The following FOSB variants were observed in gnomAD, a reference collection of about 807,000 sequenced individuals.
FOSB encodes protein FosB.
In FOSB, 8 loss-of-function variants were observed where a neutral mutation model predicts 31.1. The observed-to-expected ratio is 0.26, with a 90% CI of 0.15 to 0.46. The LOEUF (loss-of-function observed/expected upper bound fraction) is 0.46, where lower values mean the gene tolerates loss of function less well. Ranked by LOEUF, FOSB falls within the 20% of genes least tolerant of loss-of-function variation. The probability of loss-of-function intolerance (pLI) is 0.99; values close to 1 mark genes in which losing one functional copy is unlikely to be tolerated. For synonymous variants in FOSB, 214 were observed against 206.1 expected (o/e 1.04, Z -0.33); for missense variants, 376 against 460.6 (o/e 0.82, Z 1.68).
chr19:45,470,566 T>G, intron 1 of FOSB, 63 bp from the exon 2 acceptor site: 2 of 1,383,872 alleles, frequency 1.4e-6, no homozygotes, highest in East Asian at 2.3e-5. Context: ...GTGTGTTGGG[T>G]GTGTGTGTGT....
chr19:45,470,382 G>A (rs1967604430), intron 1 of FOSB: 4 of 535,728 alleles, frequency 7.5e-6, no homozygotes, highest in Non-Finnish European at 1.3e-5. Context: ...CGCTGGAACC[G>A]TGCAACCTTT....
chr19:45,470,523 C>A, intron 1 of FOSB, 106 bp from the exon 2 acceptor site: 1 of 1,160,554 alleles, frequency 8.6e-7, no homozygotes, highest in Non-Finnish European at 1.2e-6. Context: ...ACTCGCTCAC[C>A]CTGTGCTCAC....
rs756012751 is a variant in FOSB, at chr19:45,468,860, A to G, written c.126+148A>G. The stretch of plus-strand genomic sequence containing the variant: ...CTCACAGCGCACTTTGCAAACTGCA[A>G]AGAGTCGGGAGATGTTTGCAATTGG... On this transcript the variant is annotated intron_variant, in intron 1 of 3. Transcript: ENST00000353609. The surrounding 1 kb of genome is among the most constrained non-coding windows in gnomAD (Gnocchi z 4.8). 1.1e-6 allele frequency: 1 copy of G among 909,252 alleles called. No individual in the cohort carries two copies. The highest frequency in any genetic ancestry group is 1.6e-6 in the Non-Finnish European group (1 of 622,670). 56.3% of individuals were successfully genotyped at this position (909,252 alleles called of 1,614,324 possible).
At position 45,471,276 on chromosome 19, in the gene FOSB, G is replaced by A. The variant is rs1188340477; in HGVS notation, c.530G>A (p.Arg177Lys). The A allele has an allele frequency of 1.9e-6, 3 of 1,566,016 alleles. No homozygotes were observed. The highest frequency in any genetic ancestry group is 2.6e-6 in the Non-Finnish European group (3 of 1,154,884). ...LAAAKCRNRRRELTDRLQAET... is the reference protein window; with the variant it reads ...LAAAKCRNRRKELTDRLQAET... Reference sequence around the variant, plus strand: ...GCAGCTAAATGCAGGAACCGGCGGAGGGAGCTGACCGACCGACTCCAGGCG... The same window carrying A: ...GCAGCTAAATGCAGGAACCGGCGGAAGGAGCTGACCGACCGACTCCAGGCG... The change falls in exon 3 of 4, where the codon AGG becomes AAG. Residue 177 changes from arginine to lysine, a missense_variant. By Grantham distance (26) the Arg-to-Lys change is conservative (BLOSUM62 2). Transcript: ENST00000353609.
chr19:45,470,948 C>A lies in FOSB; in HGVS notation c.446C>A (p.Thr149Lys), dbSNP rs905390627. ...RARPRRPREE[T>K]LTPEEEEKRR... Reference sequence around the variant, plus strand: ...CGGCCTAGGAGACCCCGAGAGGAGACGGTGAGTAAGGGACATCAGAACTTG... The same window carrying A: ...CGGCCTAGGAGACCCCGAGAGGAGAAGGTGAGTAAGGGACATCAGAACTTG... Residue 149 changes from threonine to lysine, a missense_variant and splice_region_variant, in exon 2 of 4, where the codon ACG becomes AAG. Coordinates refer to ENST00000353609, the MANE Select transcript of FOSB (RefSeq NM_006732.3). 1 of 1,610,314 alleles carries A rather than the reference C, an allele frequency of 6.2e-7. No individual in the cohort carries two copies. The highest frequency in any genetic ancestry group is 1.1e-5 in the South Asian group (1 of 91,064).
chr19:45,471,517 C>G (rs985527725), intron 3 of FOSB: 8 of 421,752 alleles, frequency 1.9e-5, no homozygotes, highest in African/African-American at 1.7e-4. Context: ...TTTCCTGACC[C>G]CACGGACTAC....
chr19:45,473,005 C>A lies in FOSB; in HGVS notation c.1010C>A (p.Ala337Asp). The A allele has an allele frequency of 1.2e-6, 2 of 1,607,126 alleles. No homozygotes were observed. Among genetic ancestry groups the A allele is most frequent in the Non-Finnish European group, 1.7e-6 (2 of 1,179,360 alleles). ...SDPLNSPSLL[A>D]L is the part of the protein sequence containing the mutation. ...CCCCTGAACTCGCCCTCCCTCCTCG[C>A]TCTGTGAACTCTTTAGACACACAAA... The change falls in exon 4 of 4, where the codon GCT (alanine) becomes GAT (aspartate). Residue 337 changes from alanine (A) to aspartate (D), a missense_variant. By Grantham distance (126) the Ala-to-Asp change is moderately radical (BLOSUM62 -2). This residue lies in a region of FOSB where 148 missense variants were observed against 170.0 expected (regional missense o/e 0.87). Coordinates refer to ENST00000353609, the MANE Select transcript of FOSB (RefSeq NM_006732.3).
In FOSB at chr19:45,471,297, A is replaced by G. The variant is rs866130701; in HGVS notation, c.551A>G (p.Gln184Arg). The change falls in exon 3 of 4, where the codon CAG becomes CGG. Residue 184 changes from glutamine to arginine, a missense_variant. Gln to Arg is a conservative substitution (Grantham distance 43, BLOSUM62 1). This residue lies in a region of FOSB where 35 missense variants were observed against 83.5 expected (regional missense o/e 0.42). Transcript: ENST00000353609. The part of the protein sequence containing the change: ...NRRRELTDRL[Q>R]AETDQLEEEK... ...CGGAGGGAGCTGACCGACCGACTCC[A>G]GGCGGTGAGGACAGGCCCTGGGGTG... 6.4e-7 allele frequency: 1 copy of G among 1,558,376 alleles called. No individual in the cohort carries two copies. The highest frequency in any genetic ancestry group is 8.7e-7 in the Non-Finnish European group (1 of 1,150,232).
At position 45,468,388 on chromosome 19, in the gene FOSB, C is replaced by A. The variant is rs1450827658; in HGVS notation, c.-199C>A. The A allele has an allele frequency of 1.3e-5, 8 of 624,408 alleles. No individual in the cohort carries two copies. Among genetic ancestry groups the A allele is most frequent in the Admixed American group, 5.4e-5 (2 of 37,066 alleles). 38.7% of individuals were successfully genotyped at this position (624,408 alleles called of 1,614,324 possible). On this transcript the variant is annotated 5_prime_UTR_variant, in exon 1 of 4. Coordinates refer to ENST00000353609, the MANE Select transcript of FOSB (RefSeq NM_006732.3). The surrounding 1 kb of genome is among the most constrained non-coding windows in gnomAD (Gnocchi z 4.8). The stretch of plus-strand genomic sequence containing the variant: ...GCCTGGGCACCGCAGGAAGACTGCA[C>A]AGAAACTTTGCCATTGTTGGAACGG...
chr19:45,472,491 A>C lies in FOSB; in HGVS notation c.556-60A>C. The C allele has an allele frequency of 7.3e-7, 1 of 1,364,150 alleles. No individual in the cohort carries two copies. Among genetic ancestry groups the C allele is most frequent in the Non-Finnish European group, 9.7e-7 (1 of 1,025,848 alleles). The allele number at this position is 1,364,150 out of a possible 1,614,324, so 84.5% of individuals were successfully genotyped here. On this transcript the variant is annotated intron_variant, in intron 3 of 3. Coordinates refer to ENST00000353609, the MANE Select transcript of FOSB (RefSeq NM_006732.3). The surrounding 1 kb of genome is among the most constrained non-coding windows in gnomAD (Gnocchi z 5.4). ...GAGCCATGACCCGAGTTTCCCGGTCACTGACATGCTTTTTTCTCCTTCCTC... is the reference window on the plus strand; with the variant it reads ...GAGCCATGACCCGAGTTTCCCGGTCCCTGACATGCTTTTTTCTCCTTCCTC...
chr19:45,470,863 G>T lies in FOSB; in HGVS notation c.361G>T (p.Gly121Cys). Reference protein sequence around the residue: ...GYSSGGASGSGGPSTSGTTSG... With the variant: ...GYSSGGASGSCGPSTSGTTSG... Reference sequence around the variant, plus strand: ...CAGCAGTGGCGGAGCGAGTGGCAGTGGTGGGCCTTCCACCAGCGGAACTAC... The same window carrying T: ...CAGCAGTGGCGGAGCGAGTGGCAGTTGTGGGCCTTCCACCAGCGGAACTAC... Residue 121 changes from glycine to cysteine, a missense_variant, in exon 2 of 4, where the codon GGT becomes TGT. This residue lies in a region of FOSB where 193 missense variants were observed against 207.1 expected (regional missense o/e 0.93). Coordinates refer to ENST00000353609, the MANE Select transcript of FOSB (RefSeq NM_006732.3). The T allele has an allele frequency of 6.2e-7, 1 of 1,614,082 alleles. No homozygotes were observed. The highest frequency in any genetic ancestry group is 8.5e-7 in the Non-Finnish European group (1 of 1,180,022).
At chr19:45,469,498 C>T (rs968758184) in intron 1 of FOSB, among the ~76,000 whole-genome samples, 1 of 152,218 alleles carries the variant, frequency 6.6e-6, no homozygotes, top group Non-Finnish European at 1.5e-5. Flanking sequence ...TCCTTGGCGG[C>T]TGGGTCTCTT....
chr19:45,470,887 A>G lies in FOSB; in HGVS notation c.385A>G (p.Thr129Ala), dbSNP rs1967629852. The change falls in exon 2 of 4, where the codon ACC (threonine) becomes GCC (alanine). Residue 129 changes from threonine (T) to alanine (A), a missense_variant. Transcript: ENST00000353609. ...GSGGPSTSGTTSGPGPARPAR... is the reference protein window; with the variant it reads ...GSGGPSTSGTASGPGPARPAR... ...TGGTGGGCCTTCCACCAGCGGAACT[A>G]CCAGTGGGCCTGGGCCTGCCCGCCC... 4 of 1,613,830 alleles carry G rather than the reference A, an allele frequency of 2.5e-6. No individual in the cohort carries two copies. The highest frequency in any genetic ancestry group is 1.7e-5 in the Admixed American group (1 of 60,020).
intron 2 of FOSB, 99 bp downstream of exon 2, chr19:45,471,048 T>A (rs770486135): frequency 7.2e-7 from 1 of 1,382,704 alleles, no homozygotes; most frequent in Non-Finnish European, 1.0e-6. Flanking sequence ...GCCTCAGTGT[T>A]ACAGAAACCC....
At position 45,473,116 on chromosome 19, in the gene FOSB, G is replaced by A. The variant is rs1210513264; in HGVS notation, c.*104G>A. The A allele has an allele frequency of 3.7e-6, 4 of 1,072,162 alleles. No homozygotes were observed. The highest frequency in any genetic ancestry group is 4.1e-6 in the Non-Finnish European group (3 of 734,930). 66.4% of individuals were successfully genotyped at this position (1,072,162 alleles called of 1,614,324 possible). ...AGAGAGGGGAAGAGACAAAGTGGGT[G>A]TGTGGCCTCCCTGGCTCCTCCGTCT... On this transcript the variant is annotated 3_prime_UTR_variant, in exon 4 of 4. Transcript: ENST00000353609.
intron 3 of FOSB, 195 bp downstream of exon 3, chr19:45,471,496 TC>T (rs3831491): frequency 0.013 from 5,018 of 375,990 alleles, 210 homozygotes; most frequent in African/African-American, 0.1. Context: ...CAACTCCTGG[TC>T]CCCCCCCCAT....
chr19:45,472,420 G>A lies in FOSB; in HGVS notation c.556-131G>A, dbSNP rs1052489610. 7 of 641,376 alleles carry A rather than the reference G, an allele frequency of 1.1e-5. No individual in the cohort carries two copies. The highest frequency in any genetic ancestry group is 7.4e-5 in the African/African-American group (4 of 53,768). 39.7% of individuals were successfully genotyped at this position (641,376 alleles called of 1,614,324 possible). On this transcript the variant is annotated intron_variant, in intron 3 of 3. Coordinates refer to ENST00000353609, the MANE Select transcript of FOSB (RefSeq NM_006732.3). This position sits in a 1 kb window ranked among gnomAD's most constrained non-coding sequence, Gnocchi z 5.4. ...GGCCACCAGGACTCCATCTCAGGAG[G>A]TGTTTTTTCTCAGCCCGGGGCTGCC...
At position 45,473,354 on chromosome 19, in the gene FOSB, C is replaced by T; in HGVS notation, c.*342C>T. The T allele has an allele frequency of 5.2e-6, 1 of 193,810 alleles. No homozygotes were observed. Among genetic ancestry groups the T allele is most frequent in the Non-Finnish European group, 9.7e-6 (1 of 102,916 alleles). The allele number at this position is 193,810 out of a possible 1,614,324, so 12.0% of individuals were successfully genotyped here. ...GGGGAGGGGGGCGGGTGACGCCCAC[C>T]TTCGGGCAGTCCTGTGTGAGGATTA... is the stretch of plus-strand genomic sequence containing the variant. On this transcript the variant is annotated 3_prime_UTR_variant, in exon 4 of 4. Transcript: ENST00000353609.
rs1229529966 is a variant in FOSB at position 45,468,343 on chromosome 19, T to C, written c.-244T>C. The C allele has an allele frequency of 2.2e-6, 1 of 462,820 alleles. No homozygotes were observed. The highest frequency in any genetic ancestry group is 4.1e-5 in the East Asian group (1 of 24,482). 28.7% of individuals were successfully genotyped at this position (462,820 alleles called of 1,614,324 possible). A position where few individuals can be genotyped will look rare whatever the true frequency, so the allele number is the denominator to read the frequency against. On this transcript the variant is annotated 5_prime_UTR_variant, in exon 1 of 4. Transcript: ENST00000353609. The surrounding 1 kb of genome is among the most constrained non-coding windows in gnomAD (Gnocchi z 4.8). ...CTACGGAGCCTGCACTTTCAAGAGG[T>C]ACAGCGGCATCCTGTGGGGGCCTGG... is the stretch of plus-strand genomic sequence containing the variant.
Sources: allele counts gnomAD v4.1 joint callset (sites outside exome capture counted in the v4.1 genomes callset), GRCh38; gene constraint gnomAD v4.1.1; regional missense constraint gnomAD v4.1.1; non-coding constraint Gnocchi (gnomAD v3.1); transcripts MANE v1.5; gene names NCBI Gene and HGNC (gene_info 2026-07-23, HGNC 2026-07-21).